The following GTF2H5 variants were observed in gnomAD, a reference collection of about 807,000 sequenced individuals.
GTF2H5 encodes the protein TFB5 ortholog.
A neutral mutation model predicts 7.1 loss-of-function variants in GTF2H5; 5 were observed. That is an observed-to-expected ratio of 0.71 (90% CI 0.37 to 1.49). The LOEUF (loss-of-function observed/expected upper bound fraction) is 1.49, where lower values mean the gene tolerates loss of function less well. Among genes scored for constraint, GTF2H5 ranks in the 40% most tolerant of loss-of-function variants. The probability of loss-of-function intolerance (pLI) is 0.03; values close to 1 mark genes in which losing one functional copy is unlikely to be tolerated. For missense variants in GTF2H5, 80 were observed against 83.0 expected (o/e 0.96, Z 0.14); for synonymous variants, 30 against 31.7 (o/e 0.95, Z 0.18).
Position 158,192,066 on chromosome 6 carries a change from A to G in GTF2H5, c.125A>G (p.His42Arg), listed in dbSNP as rs1166843968. ...ATCATTCAAGACATTGATGACACTCACGTCTTTGTAATAGCAGAATTGGTT... is the reference window on the plus strand; with the variant it reads ...ATCATTCAAGACATTGATGACACTCGCGTCTTTGTAATAGCAGAATTGGTT... ...KFIIQDIDDT[H>R]VFVIAELVNV... is the part of the protein sequence containing the mutation. The change falls in exon 3 of 3, where the codon CAC (histidine) becomes CGC (arginine). Residue 42 changes from histidine to arginine, a missense_variant. Physicochemically the swap from His to Arg is conservative, Grantham distance 29. Transcript: ENST00000607778. 12 of 1,613,458 alleles carry G rather than the reference A, an allele frequency of 7.4e-6. No individual in the cohort carries two copies. The highest frequency in any genetic ancestry group is 1.3e-5 in the African/African-American group (1 of 74,936).
chr6:158,191,725 A>G (rs962691076), intron 2 of GTF2H5, among the ~76,000 whole-genome samples: 3 of 152,064 alleles, frequency 2.0e-5, no homozygotes, highest in African/African-American at 4.8e-5. Context: ...CTGGTGATCC[A>G]CCCACCTCGG....
chr6:158,181,600 GA>G (rs373130458), intron 2 of GTF2H5, among the ~76,000 whole-genome samples: 103 of 152,250 alleles, frequency 6.8e-4, no homozygotes, highest in African/African-American at 2.3e-3. Flanking sequence ...TCTTCTTGTT[GA>G]ATTGATCCCT....
intron 2 of GTF2H5, among the ~76,000 whole-genome samples, chr6:158,182,625 T>C (rs1786026137): frequency 6.6e-6 from 1 of 151,990 alleles, no homozygotes; most frequent in Admixed American, 6.6e-5. Flanking sequence ...TTCATGAATT[T>C]GATCTTCAAT....
chr6:158,170,566 T>TG, intron 2 of GTF2H5, 28 bp downstream of exon 2: 4 of 1,498,224 alleles, frequency 2.7e-6, no homozygotes, highest in Non-Finnish European at 3.7e-6. Context: ...TGCATGAGTT[T>TG]TAAGTTTAAA....
chr6:158,196,196 G>GTC lies in GTF2H5; in HGVS notation c.*4039_*4040insTC, dbSNP rs1459479564. 5.3e-5 allele frequency: 8 copies of GTC among 152,314 alleles called. No individual in the cohort carries two copies. Among genetic ancestry groups the GTC allele is most frequent in the African/African-American group, 1.4e-4 (6 of 41,550 alleles). 9.4% of individuals were successfully genotyped at this position (152,314 alleles called of 1,614,324 possible). A position where few individuals can be genotyped will look rare whatever the true frequency, so the allele number is the denominator to read the frequency against. On this transcript the variant is annotated 3_prime_UTR_variant, in exon 3 of 3. Transcript: ENST00000607778. Reference sequence around the variant, plus strand: ...ACTCGGGAGGCTGAGGCAGGAGAATGGTGTAATCCCGGGAGGTGGAGGTTG... The same window carrying GTC: ...ACTCGGGAGGCTGAGGCAGGAGAATGTCGTGTAATCCCGGGAGGTGGAGGTTG...
intron 2 of GTF2H5, among the ~76,000 whole-genome samples, chr6:158,175,791 T>A (rs1464505077): frequency 1.3e-5 from 2 of 151,998 alleles, no homozygotes; most frequent in Non-Finnish European, 1.5e-5. Flanking sequence ...TAGGAAATGA[T>A]CAGAACTGCC....
intron 1 of GTF2H5, among the ~76,000 whole-genome samples, chr6:158,169,462 T>TA (rs1562468201): frequency 2.9e-5 from 2 of 69,880 alleles, no homozygotes; most frequent in Non-Finnish European, 4.4e-5. Flanking sequence ...ATTATATATA[T>TA]TATATTGTAT....
intron 2 of GTF2H5, among the ~76,000 whole-genome samples, chr6:158,191,122 T>C (rs937802817): frequency 7.2e-5 from 11 of 152,176 alleles, no homozygotes; most frequent in Admixed American, 7.2e-4. Flanking sequence ...ACTTTTGAGG[T>C]TGGGAACAGA....
At chr6:158,186,794 C>A (rs1263860753) in intron 2 of GTF2H5, among the ~76,000 whole-genome samples, 1 of 152,106 alleles carries the variant, frequency 6.6e-6, no homozygotes, top group Non-Finnish European at 1.5e-5. Context: ...GCGGGCTTCC[C>A]GGTCATAGGT....
Position 158,170,231 on chromosome 6 carries a change from G to A in GTF2H5, c.-34-239G>A, listed in dbSNP as rs889966178. ...AGTTAGGCCTCTTGCTTCTATTAGGGCTAATTGACCTTGGGTAGAATTGGC... is the reference window on the plus strand; with the variant it reads ...AGTTAGGCCTCTTGCTTCTATTAGGACTAATTGACCTTGGGTAGAATTGGC... On this transcript the variant is annotated intron_variant, in intron 1 of 2. Coordinates refer to ENST00000607778, the MANE Select transcript of GTF2H5 (RefSeq NM_207118.3). Among the ~76,000 whole-genome samples, 9 of 152,090 alleles carry A rather than the reference G, an allele frequency of 5.9e-5. No homozygotes were observed. The East Asian group carries it at 1.7e-3, about 29-fold the overall frequency.
At chr6:158,182,620 G>A (rs1786026046) in intron 2 of GTF2H5, among the ~76,000 whole-genome samples, 1 of 151,414 alleles carries the variant, frequency 6.6e-6, no homozygotes, top group Admixed American at 6.6e-5. Flanking sequence ...TGTATTTCAT[G>A]AATTTGATCT....
rs532183243 is a variant in GTF2H5, at chr6:158,195,924, T to A, written c.*3767T>A. ...GCAGCAAAGATAACACTGAAATGTC[T>A]ATGGATGAGATTATTGGATAAACTT... On this transcript the variant is annotated 3_prime_UTR_variant, in exon 3 of 3. Coordinates refer to ENST00000607778, the MANE Select transcript of GTF2H5 (RefSeq NM_207118.3). 1.3e-5 allele frequency: 2 copies of A among 152,294 alleles called. No individual in the cohort carries two copies. Among genetic ancestry groups the A allele is most frequent in the Non-Finnish European group, 2.9e-5 (2 of 68,032 alleles). The allele number at this position is 152,294 out of a possible 1,614,324, so 9.4% of individuals were successfully genotyped here.
intron 2 of GTF2H5, among the ~76,000 whole-genome samples, chr6:158,184,162 T>C (rs1420601778): frequency 6.6e-6 from 1 of 152,098 alleles, no homozygotes; most frequent in African/African-American, 2.4e-5. Context: ...ATTTTCTTTG[T>C]ATAATTAAAG....
chr6:158,191,325 C>T (rs1185999261), intron 2 of GTF2H5, among the ~76,000 whole-genome samples: 1 of 152,148 alleles, frequency 6.6e-6, no homozygotes, highest in Non-Finnish European at 1.5e-5. Context: ...TGGGCATAGA[C>T]AAGGAAGAAA....
At position 158,169,686 on chromosome 6, in the gene GTF2H5, A is replaced by ATGTATAT. The variant is rs1785786626; in HGVS notation, c.-34-783_-34-782insGTATATT. Among the ~76,000 whole-genome samples, 2 of 29,760 alleles carry ATGTATAT rather than the reference A, an allele frequency of 6.7e-5. 1 individual carries two copies. Among genetic ancestry groups the ATGTATAT allele is most frequent in the Non-Finnish European group, 1.0e-4 (2 of 19,938 alleles). The allele number at this position is 29,760 out of a possible 152,430, so 19.5% of individuals were successfully genotyped here. A position where few individuals can be genotyped will look rare whatever the true frequency, so the allele number is the denominator to read the frequency against. ...TATATTGTATATTATATAATATATA[A>ATGTATAT]TATATATTATATAATATATTGTATA... is the stretch of plus-strand genomic sequence containing the variant. On this transcript the variant is annotated intron_variant, in intron 1 of 2. Transcript: ENST00000607778.
At chr6:158,175,024 G>GTGTGTGTGTGTGTGTGTGTGTGTATATA (rs1554267641) in intron 2 of GTF2H5, among the ~76,000 whole-genome samples, 7 of 124,054 alleles carry the variant, frequency 5.6e-5, no homozygotes, top group African/African-American at 3.2e-4. Context: ...GTGTGTGTGT[G>GTGTGTGTGTGTGTGTGTGTGTGTATATA]TGTGTGTGTG....
chr6:158,169,216 A>G (rs1478210840), intron 1 of GTF2H5, among the ~76,000 whole-genome samples: 1 of 144,694 alleles, frequency 6.9e-6, no homozygotes, highest in Admixed American at 7.3e-5. Context: ...CCTGGGCGAC[A>G]GAGTGAGACT....
In GTF2H5 at chr6:158,196,649, A is replaced by T; in HGVS notation, c.*4492A>T. 6.6e-6 allele frequency: 1 copy of T among 152,254 alleles called. No homozygotes were observed. 9.4% of individuals were successfully genotyped at this position (152,254 alleles called of 1,614,324 possible). On this transcript the variant is annotated 3_prime_UTR_variant, in exon 3 of 3. Coordinates refer to ENST00000607778, the MANE Select transcript of GTF2H5 (RefSeq NM_207118.3). Reference sequence around the variant, plus strand: ...GTCAGAACAATATGAATTCTGCTAAAACTGAAGCAAGAACAAACATCAAAT... The same window carrying T: ...GTCAGAACAATATGAATTCTGCTAATACTGAAGCAAGAACAAACATCAAAT...
Position 158,169,437 on chromosome 6 carries a change from T to TA in GTF2H5, c.-34-1033_-34-1032insA, listed in dbSNP as rs1268362019. Among the ~76,000 whole-genome samples the TA allele has an allele frequency of 4.5e-5, 3 of 66,806 alleles. 1 individual carries two copies. Among genetic ancestry groups the TA allele is most frequent in the African/African-American group, 2.7e-4 (3 of 11,204 alleles). The allele number at this position is 66,806 out of a possible 152,430, so 43.8% of individuals were successfully genotyped here. A position where few individuals can be genotyped will look rare whatever the true frequency, so the allele number is the denominator to read the frequency against. Reference sequence around the variant, plus strand: ...TATATTATATATAATATATTGTATATTATATATATTATATATTATATATAT... The same window carrying TA: ...TATATTATATATAATATATTGTATATATATATATATTATATATTATATATAT... On this transcript the variant is annotated intron_variant, in intron 1 of 2. Transcript: ENST00000607778.
Sources: allele counts gnomAD v4.1 joint callset (sites outside exome capture counted in the v4.1 genomes callset), GRCh38; gene constraint gnomAD v4.1.1; transcripts MANE v1.5; gene names NCBI Gene and HGNC (gene_info 2026-07-23, HGNC 2026-07-21).